The following KIF26B variants were observed in gnomAD, a reference collection of about 807,000 sequenced individuals.
The protein encoded by KIF26B is kinesin family member 26B.
Under a neutral mutation model 151.2 loss-of-function variants are expected in KIF26B, and 63 were observed. That is an observed-to-expected ratio of 0.42 (90% CI 0.34 to 0.51). The LOEUF (loss-of-function observed/expected upper bound fraction) is 0.51. KIF26B is among the 20% of genes least tolerant of loss of function. KIF26B has a pLI of 0.07. For synonymous variants in KIF26B, 1,357 were observed against 1,262.1 expected, an observed-to-expected ratio of 1.08 and a Z score of -1.59; for missense variants, 2,813 against 2,913.6, an observed-to-expected ratio of 0.97 and a Z score of 0.79.
intron 3 of KIF26B, among the ~76,000 whole-genome samples, chr1:245,400,969 A>G (rs1467807727): frequency 6.6e-6 from 1 of 152,200 alleles, no homozygotes; most frequent in African/African-American, 2.4e-5. Flanking sequence ...GGAAAGCTGA[A>G]TAGCCAATGA....
chr1:245,336,553 T>C (rs1672237503), intron 2 of KIF26B, among the ~76,000 whole-genome samples: 1 of 152,194 alleles, frequency 6.6e-6, no homozygotes. Context: ...GAAAAGGTTC[T>C]CTCTGGAATA....
At chr1:245,476,190 AT>A (rs1300167285) in intron 4 of KIF26B, among the ~76,000 whole-genome samples, 1 of 151,882 alleles carries the variant, frequency 6.6e-6, no homozygotes, top group Non-Finnish European at 1.5e-5. Context: ...TTTATATGAA[AT>A]GTCCAAAATA....
chr1:245,676,774 A>T lies in KIF26B; in HGVS notation c.2259-7459A>T, dbSNP rs569918706. ...CACTTGGTGCAAACTCTTTCCATCC[A>T]GTATTTTCTGATGTCCCTGAGGGCT... On this transcript the variant is annotated intron_variant, in intron 10 of 14. Coordinates refer to ENST00000407071, the MANE Select transcript of KIF26B (RefSeq NM_018012.4). Among the ~76,000 whole-genome samples, 3 of 152,340 alleles carry T rather than the reference A, an allele frequency of 2.0e-5. No individual in the cohort carries two copies. In the East Asian group the frequency reaches 5.8e-4, roughly 29 times the overall value.
intron 2 of KIF26B, among the ~76,000 whole-genome samples, chr1:245,345,198 T>A (rs1672422749): frequency 6.6e-6 from 1 of 152,146 alleles, no homozygotes; most frequent in African/African-American, 2.4e-5. Flanking sequence ...AGGTGTTTTC[T>A]ATAATGAAGA....
At chr1:245,226,913 T>C (rs1424993512) in intron 2 of KIF26B, among the ~76,000 whole-genome samples, 1 of 152,240 alleles carries the variant, frequency 6.6e-6, no homozygotes, top group Non-Finnish European at 1.5e-5. Context: ...TTTGCCTAAG[T>C]GAAACCAGCT....
intron 9 of KIF26B, among the ~76,000 whole-genome samples, chr1:245,622,820 CG>C (rs758340318): frequency 2.6e-5 from 4 of 151,988 alleles, no homozygotes; most frequent in African/African-American, 4.8e-5. Flanking sequence ...GGGATTGAGG[CG>C]GGGGGAAGGG....
intron 8 of KIF26B, 30 bp from the exon 9 acceptor site, chr1:245,611,763 C>T: frequency 6.2e-7 from 1 of 1,604,170 alleles, no homozygotes; most frequent in South Asian, 1.1e-5. Context: ...CCTCAGCCTG[C>T]AGCCTCATCT....
In KIF26B at chr1:245,607,748, C is replaced by A; in HGVS notation, c.1651+4C>A. 6.2e-7 allele frequency: 1 copy of A among 1,609,072 alleles called. No homozygotes were observed. Among genetic ancestry groups the A allele is most frequent in the Admixed American group, 1.7e-5 (1 of 59,498 alleles). On this transcript the variant is annotated splice_donor_region_variant and intron_variant, in intron 7 of 14. Coordinates refer to ENST00000407071, the MANE Select transcript of KIF26B (RefSeq NM_018012.4). The stretch of plus-strand genomic sequence containing the variant: ...TGTTTCGGCCACGCCAAACTGGGTT[C>A]GTGAGAGTTTCACTTTCTCATGCGG...
rs1269602677 is a variant in KIF26B at position 245,702,456 on chromosome 1, A to G, written c.6179-2A>G. The G allele has an allele frequency of 1.2e-6, 2 of 1,613,686 alleles. No individual in the cohort carries two copies. Among genetic ancestry groups the G allele is most frequent in the Non-Finnish European group, 1.7e-6 (2 of 1,179,826 alleles). On this transcript the variant is annotated splice_acceptor_variant, in intron 14 of 14. Transcript: ENST00000407071. LOFTEE classifies it high-confidence loss of function. The surrounding 1 kb of genome is among the most constrained non-coding windows in gnomAD (Gnocchi z 4.1). ...CTCCATCAGGCTCTTCCTCTCTTGC[A>G]GTTGACTTGGAGCAGGTTTGGGAGC...
intron 2 of KIF26B, among the ~76,000 whole-genome samples, chr1:245,357,675 G>A (rs529118573): frequency 9.9e-5 from 15 of 152,232 alleles, no homozygotes; most frequent in African/African-American, 3.4e-4. Flanking sequence ...GGTTGATGAG[G>A]GAGAGAGGGA....
chr1:245,310,649 A>G (rs1671648009), intron 2 of KIF26B, among the ~76,000 whole-genome samples: 1 of 152,176 alleles, frequency 6.6e-6, no homozygotes, highest in African/African-American at 2.4e-5. Flanking sequence ...CTTCTTTTGC[A>G]CTCGAAGGCT....
chr1:245,335,134 T>A (rs1672195129), intron 2 of KIF26B, among the ~76,000 whole-genome samples: 1 of 152,168 alleles, frequency 6.6e-6, no homozygotes, highest in African/African-American at 2.4e-5. Context: ...CTTCAGACTG[T>A]CTGTCTGCTC....
intron 10 of KIF26B, among the ~76,000 whole-genome samples, chr1:245,657,468 A>T (rs988632887): frequency 6.6e-6 from 1 of 152,152 alleles, no homozygotes; most frequent in Non-Finnish European, 1.5e-5. Flanking sequence ...TTTTCTTTAC[A>T]TTCCACATAG....
At chr1:245,212,519 A>C (rs1326925055) in intron 2 of KIF26B, among the ~76,000 whole-genome samples, 1 of 152,180 alleles carries the variant, frequency 6.6e-6, no homozygotes, top group Non-Finnish European at 1.5e-5. Context: ...GTGAAAAGCG[A>C]ATGCAGGTTT....
rs148209908 is a variant in KIF26B at position 245,541,596 on chromosome 1, C to T, written c.1350+646C>T. On this transcript the variant is annotated intron_variant, in intron 5 of 14. Coordinates refer to ENST00000407071, the MANE Select transcript of KIF26B (RefSeq NM_018012.4). ...TTTGGGTGAAGTAACTTACGGTTTA[C>T]TCATCATTGGTGAATAAGCCAGGGC... is the stretch of plus-strand genomic sequence containing the variant. Among the ~76,000 whole-genome samples the T allele has an allele frequency of 2.0e-5, 3 of 152,328 alleles. No individual in the cohort carries two copies. In the East Asian group the frequency reaches 5.8e-4, roughly 29 times the overall value.
At chr1:245,514,508 AC>A (rs1660907403) in intron 4 of KIF26B, among the ~76,000 whole-genome samples, 1 of 152,154 alleles carries the variant, frequency 6.6e-6, no homozygotes, top group Non-Finnish European at 1.5e-5. Context: ...AGCCTGGGCG[AC>A]AGAGTAAGTG....
chr1:245,188,251 G>A (rs191004237), intron 2 of KIF26B, among the ~76,000 whole-genome samples: 50 of 128,356 alleles, frequency 3.9e-4, no homozygotes, highest in African/African-American at 1.5e-3. Context: ...TTGCACTCCA[G>A]TCTGGGCAAG....
intron 10 of KIF26B, among the ~76,000 whole-genome samples, chr1:245,661,578 A>G (rs2044139622): frequency 6.6e-6 from 1 of 151,490 alleles, no homozygotes; most frequent in African/African-American, 2.4e-5. Context: ...ATATATATAC[A>G]CACCCCCAAT....
At chr1:245,275,044 G>A (rs1407680914) in intron 2 of KIF26B, among the ~76,000 whole-genome samples, 1 of 152,178 alleles carries the variant, frequency 6.6e-6, no homozygotes, top group Admixed American at 6.5e-5. Flanking sequence ...GTATCTCATT[G>A]TAGTTTTGGT....
Sources: gnomAD v4.1 joint callset for allele counts (sites outside exome capture counted in the v4.1 genomes callset) on GRCh38, gnomAD v4.1.1 for gene constraint, Gnocchi (gnomAD v3.1) non-coding constraint, MANE v1.5 for transcripts, NCBI Gene and HGNC (gene_info 2026-07-23, HGNC 2026-07-21) for gene names.